ZNF827: variants seen among roughly 807,000 people sequenced by gnomAD.
ZNF827 encodes zinc finger protein 827.
Under a neutral mutation model 102.4 loss-of-function variants are expected in ZNF827, and 13 were observed. The observed-to-expected ratio is 0.13, with a 90% CI of 0.08 to 0.20. The LOEUF is 0.20. Among genes scored for constraint, ZNF827 ranks in the 10% least tolerant of loss-of-function variants. The probability of loss-of-function intolerance (pLI) is 1.00; values close to 1 mark genes in which losing one functional copy is unlikely to be tolerated. For synonymous variants in ZNF827, 523 were observed against 536.2 expected (o/e 0.98, Z 0.34); for missense variants, 1,103 against 1,344.4 (o/e 0.82, Z 2.81).
At chr4:145,793,502 C>T (rs967433873) in intron 8 of ZNF827, among the ~76,000 whole-genome samples, 3 of 151,116 alleles carry the variant, frequency 2.0e-5, no homozygotes, top group African/African-American at 2.4e-5. Context: ...AGAAAGATGT[C>T]GGCTGGGAGG....
At chr4:145,882,961 T>A (rs1418441685) in intron 4 of ZNF827, among the ~76,000 whole-genome samples, 2 of 152,100 alleles carry the variant, frequency 1.3e-5, no homozygotes, top group Admixed American at 6.5e-5. Context: ...GATTTGGCCT[T>A]TTTGTCCCTA....
chr4:145,928,081 C>T (rs1268697471), intron 1 of ZNF827, among the ~76,000 whole-genome samples: 6 of 152,120 alleles, frequency 3.9e-5, no homozygotes, highest in African/African-American at 1.4e-4. Flanking sequence ...AGTTGCAGTC[C>T]ATTACCCAGG....
At chr4:145,933,797 A>C (rs1159042816) in intron 1 of ZNF827, among the ~76,000 whole-genome samples, 4 of 151,530 alleles carry the variant, frequency 2.6e-5, no homozygotes, top group Non-Finnish European at 5.9e-5. Flanking sequence ...GAAAAAAAAA[A>C]AAACAAAAAA....
At chr4:145,798,801 A>C (rs7696556) in intron 8 of ZNF827, among the ~76,000 whole-genome samples, 32,018 of 152,242 alleles carry the variant, frequency 0.21, 4,233 homozygotes, top group East Asian at 0.67. Flanking sequence ...GAAATCTGAA[A>C]TAATGTAAAA....
At chr4:145,920,302 G>A (rs1392113138) in intron 1 of ZNF827, among the ~76,000 whole-genome samples, 1 of 152,234 alleles carries the variant, frequency 6.6e-6, no homozygotes, top group Non-Finnish European at 1.5e-5. Context: ...AATATGCCCA[G>A]TCATCAGGAA....
intron 8 of ZNF827, among the ~76,000 whole-genome samples, chr4:145,781,211 A>AAAAAG (rs1737981315): frequency 1.6e-5 from 2 of 126,748 alleles, no homozygotes; most frequent in South Asian, 2.4e-4. Flanking sequence ...AAAAAAAAAA[A>AAAAAG]AAAAAAGAAA....
chr4:145,897,166 T>G (rs528892701), intron 2 of ZNF827, among the ~76,000 whole-genome samples: 8 of 152,342 alleles, frequency 5.3e-5, no homozygotes, highest in African/African-American at 1.9e-4. Flanking sequence ...TCTGGTTTGC[T>G]GCTCTACCTA....
At chr4:145,820,376 A>T (rs1368078975) in intron 8 of ZNF827, among the ~76,000 whole-genome samples, 1 of 152,326 alleles carries the variant, frequency 6.6e-6, no homozygotes, top group Admixed American at 6.5e-5. Context: ...AATCTGAGAG[A>T]GTTCTCTGGG....
chr4:145,765,240 T>A lies in ZNF827; in HGVS notation c.3053-75A>T. On this transcript the variant is annotated intron_variant, in intron 12 of 14. Transcript: ENST00000508784. The surrounding 1 kb of genome is among the most constrained non-coding windows in gnomAD (Gnocchi z 4.7). ...GAGGGCAGGAGTGGAGCCAAGCTCC[T>A]CCCCACTTCCTCCCGCCTCCTCCGA... The A allele has an allele frequency of 6.9e-7, 1 of 1,454,014 alleles. No homozygotes were observed. Among genetic ancestry groups the A allele is most frequent in the Non-Finnish European group, 9.2e-7 (1 of 1,087,826 alleles). 90.1% of individuals were successfully genotyped at this position (1,454,014 alleles called of 1,614,324 possible). A position where few individuals can be genotyped will look rare whatever the true frequency, so the allele number is the denominator to read the frequency against.
intron 8 of ZNF827, among the ~76,000 whole-genome samples, chr4:145,782,123 C>T (rs1040063813): frequency 6.6e-6 from 1 of 152,220 alleles, no homozygotes; most frequent in African/African-American, 2.4e-5. Flanking sequence ...CGCCCAACTC[C>T]AAGCCTCGTC....
chr4:145,904,759 G>A (rs576183119), intron 1 of ZNF827, among the ~76,000 whole-genome samples: 1 of 152,324 alleles, frequency 6.6e-6, no homozygotes, highest in South Asian at 2.1e-4. Context: ...CTGTGGTGCA[G>A]GAGTGGGGTC....
intron 1 of ZNF827, among the ~76,000 whole-genome samples, chr4:145,928,378 T>C (rs1753581289): frequency 6.6e-6 from 1 of 152,200 alleles, no homozygotes. Flanking sequence ...ATACATCTGG[T>C]TGAGAACCAC....
intron 5 of ZNF827, among the ~76,000 whole-genome samples, chr4:145,860,994 T>C (rs746643747): frequency 2.6e-5 from 4 of 152,144 alleles, no homozygotes; most frequent in Admixed American, 6.5e-5. Flanking sequence ...ATGCGCTGAG[T>C]AGCCCCTGCC....
rs1343903506 is a variant in ZNF827, at chr4:145,870,628, C to CA, written c.1748-151dup. Reference sequence around the variant, plus strand: ...TCATCAGAACAGGCTGGGCCCTGGGCAAAACCACACAATACACTCCATGGG... The same window carrying CA: ...TCATCAGAACAGGCTGGGCCCTGGGCAAAAACCACACAATACACTCCATGGG... On this transcript the variant is annotated intron_variant, in intron 4 of 14. Coordinates refer to ENST00000508784, the MANE Select transcript of ZNF827 (RefSeq NM_001306215.2). 3.8e-5 allele frequency: 24 copies of CA among 633,508 alleles called. No homozygotes were observed. The South Asian group carries it at 4.4e-4, about 12-fold the overall frequency. 39.2% of individuals were successfully genotyped at this position (633,508 alleles called of 1,614,324 possible).
chr4:145,846,041 C>T, intron 6 of ZNF827, 28 bp from the exon 7 acceptor site: 1 of 1,611,946 alleles, frequency 6.2e-7, no homozygotes, highest in Non-Finnish European at 8.5e-7. Context: ...GAAACATACA[C>T]CTCTTAGGTT....
chr4:145,919,007 G>A (rs993021918), intron 1 of ZNF827, among the ~76,000 whole-genome samples: 6 of 149,070 alleles, frequency 4.0e-5, no homozygotes, highest in African/African-American at 7.5e-5. Context: ...TATAATCCCA[G>A]CACTTTGGGA....
At chr4:145,849,583 G>C in intron 5 of ZNF827, 22 bp from the exon 6 acceptor site, 1 of 1,610,948 alleles carries the variant, frequency 6.2e-7, no homozygotes, top group Non-Finnish European at 8.5e-7. Context: ...TGAATGAAGA[G>C]AAACAAAAAC....
chr4:145,933,010 A>G (rs1753925150), intron 1 of ZNF827, among the ~76,000 whole-genome samples: 1 of 152,248 alleles, frequency 6.6e-6, no homozygotes, highest in Non-Finnish European at 1.5e-5. Context: ...CCTCTCCAGC[A>G]TGATTTATTA....
At chr4:145,857,107 T>A (rs915707474) in intron 5 of ZNF827, among the ~76,000 whole-genome samples, 3 of 152,226 alleles carry the variant, frequency 2.0e-5, no homozygotes, top group Non-Finnish European at 4.4e-5. Flanking sequence ...TCCCTCTATA[T>A]CAGTATAATA....
Sources: gnomAD v4.1 joint callset for allele counts (sites outside exome capture counted in the v4.1 genomes callset) on GRCh38, gnomAD v4.1.1 for gene constraint, Gnocchi (gnomAD v3.1) non-coding constraint, MANE v1.5 for transcripts, NCBI Gene and HGNC (gene_info 2026-07-23, HGNC 2026-07-21) for gene names.